The following PCDH15 variants were observed in gnomAD, a reference collection of about 807,000 sequenced individuals.
The protein encoded by PCDH15 is protocadherin related 15.
PCDH15 carries 129 observed loss-of-function variants against 178.5 expected under a neutral mutation model. The ratio of observed to expected loss-of-function variants is 0.72; its 90% CI spans 0.63 to 0.84. The LOEUF (loss-of-function observed/expected upper bound fraction) is 0.84, where lower values mean the gene tolerates loss of function less well. PCDH15 is among the 40% of genes least tolerant of loss of function. The probability of loss-of-function intolerance (pLI) is 0.00; values close to 1 mark genes in which losing one functional copy is unlikely to be tolerated. For synonymous variants in PCDH15, 800 were observed against 732.0 expected, an observed-to-expected ratio of 1.09 and a Z score of -1.50; for missense variants, 2,230 against 2,099.9, an observed-to-expected ratio of 1.06 and a Z score of -1.21.
At chr10:53,924,033 C>T (rs2084241921) in intron 25 of PCDH15, among the ~76,000 whole-genome samples, 1 of 152,208 alleles carries the variant, frequency 6.6e-6, no homozygotes, top group Non-Finnish European at 1.5e-5. Flanking sequence ...GCCCTCGCAG[C>T]CCTCGCTTGA....
chr10:54,437,304 A>C (rs2075487271), intron 3 of PCDH15, among the ~76,000 whole-genome samples: 1 of 152,204 alleles, frequency 6.6e-6, no homozygotes, highest in African/African-American at 2.4e-5. Context: ...CAAATCATTA[A>C]ACATCAAGTA....
intron 20 of PCDH15, among the ~76,000 whole-genome samples, chr10:54,004,150 G>C (rs2092293227): frequency 6.6e-6 from 1 of 150,624 alleles, no homozygotes; most frequent in Non-Finnish European, 1.5e-5. Context: ...CATAATAAAA[G>C]TGATATATGA....
chr10:55,348,166 T>C (rs964988586), intron 2 of PCDH15, among the ~76,000 whole-genome samples: 3 of 152,178 alleles, frequency 2.0e-5, no homozygotes, highest in Admixed American at 1.3e-4. Context: ...TCCAATATTA[T>C]AGACATTTAG....
intron 1 of PCDH15, among the ~76,000 whole-genome samples, chr10:55,233,144 T>G (rs532708502): frequency 1.8e-4 from 28 of 152,232 alleles, no homozygotes; most frequent in Non-Finnish European, 3.4e-4. Flanking sequence ...GTATCTATAC[T>G]ACTTCTATAT....
intron 3 of PCDH15, among the ~76,000 whole-genome samples, chr10:54,858,420 A>T (rs1313462412): frequency 7.9e-5 from 12 of 152,146 alleles, no homozygotes; most frequent in African/African-American, 2.9e-4. Flanking sequence ...TTTTAAATCC[A>T]TTATCTGTCC....
At chr10:54,190,242 A>C (rs1474959524) in intron 11 of PCDH15, among the ~76,000 whole-genome samples, 8 of 151,960 alleles carry the variant, frequency 5.3e-5, no homozygotes, top group Admixed American at 5.2e-4. Flanking sequence ...GCTTGAAGCA[A>C]CTCTTGAGAG....
At chr10:54,903,643 T>G (rs532317166) in intron 2 of PCDH15, among the ~76,000 whole-genome samples, 29 of 152,226 alleles carry the variant, frequency 1.9e-4, no homozygotes, top group East Asian at 3.9e-4. Context: ...AATCCAGTAT[T>G]AGAAACAATC....
chr10:55,442,757 T>C (rs1220458225), intron 2 of PCDH15, among the ~76,000 whole-genome samples: 1 of 151,872 alleles, frequency 6.6e-6, no homozygotes, highest in Admixed American at 6.6e-5. Context: ...ATGCTCATTG[T>C]TCTATTCTTT....
chr10:55,224,653 T>C (rs1024990723), intron 1 of PCDH15, among the ~76,000 whole-genome samples: 3 of 152,090 alleles, frequency 2.0e-5, no homozygotes, highest in Non-Finnish European at 2.9e-5. Flanking sequence ...CCACCTTCCA[T>C]GAAGTAGGGG....
chr10:54,425,883 A>G (rs563527298), intron 3 of PCDH15, among the ~76,000 whole-genome samples: 27 of 152,320 alleles, frequency 1.8e-4, no homozygotes, highest in Non-Finnish European at 3.5e-4. Flanking sequence ...TTAATTATAG[A>G]CATTTCAACT....
At chr10:55,519,301 C>A (rs202055202) in intron 2 of PCDH15, among the ~76,000 whole-genome samples, 38 of 101,804 alleles carry the variant, frequency 3.7e-4, no homozygotes, top group South Asian at 2.3e-3. Flanking sequence ...AAAAAAAAAA[C>A]CCAATAGATT....
intron 8 of PCDH15, among the ~76,000 whole-genome samples, chr10:54,313,985 T>C (rs1224230414): frequency 6.6e-6 from 1 of 152,136 alleles, no homozygotes; most frequent in African/African-American, 2.4e-5. Flanking sequence ...ACTCATTGAA[T>C]TGGATTATTG....
intron 35 of PCDH15, among the ~76,000 whole-genome samples, chr10:53,812,049 C>T (rs2075885240): frequency 6.6e-6 from 1 of 151,892 alleles, no homozygotes; most frequent in Admixed American, 6.6e-5. Context: ...TTTTTCATCT[C>T]CCCACTAACA....
chr10:54,331,610 T>C (rs981474043), intron 6 of PCDH15, among the ~76,000 whole-genome samples: 3 of 152,030 alleles, frequency 2.0e-5, no homozygotes, highest in Admixed American at 6.6e-5. Context: ...AAAACCTTAG[T>C]TAATAATTGC....
intron 1 of PCDH15, among the ~76,000 whole-genome samples, chr10:55,285,279 G>A (rs761026848): frequency 6.7e-6 from 1 of 149,870 alleles, no homozygotes; most frequent in South Asian, 2.1e-4. Flanking sequence ...ACATAAAATC[G>A]ATTTTTAAAA....
At chr10:55,173,310 T>C (rs1214452299) in intron 1 of PCDH15, among the ~76,000 whole-genome samples, 1 of 22,866 alleles carries the variant, frequency 4.4e-5, no homozygotes, top group Non-Finnish European at 1.2e-4. Context: ...AGAAAGATTA[T>C]GTGTGTGTGT....
At chr10:54,726,518 A>AAAC (rs1942559565) in intron 1 of PCDH15, among the ~76,000 whole-genome samples, 1 of 151,140 alleles carries the variant, frequency 6.6e-6, no homozygotes, top group African/African-American at 2.4e-5. Context: ...CAGGACCGAA[A>AAAC]ATGCTAGAGA....
chr10:54,723,676 C>T (rs1009631830), intron 1 of PCDH15, among the ~76,000 whole-genome samples: 1 of 151,258 alleles, frequency 6.6e-6, no homozygotes, highest in African/African-American at 2.4e-5. Context: ...CCAGAATCTA[C>T]AAGAAACTCG....
intron 6 of PCDH15, among the ~76,000 whole-genome samples, chr10:54,345,648 G>C (rs373656297): frequency 6.6e-6 from 1 of 151,130 alleles, no homozygotes; most frequent in Non-Finnish European, 1.5e-5. Flanking sequence ...TTGGGAGGCC[G>C]AGGCAGGCGG....
Sources: allele counts gnomAD v4.1 joint callset (sites outside exome capture counted in the v4.1 genomes callset), GRCh38; gene constraint gnomAD v4.1.1; transcripts MANE v1.5; gene names NCBI Gene and HGNC (gene_info 2026-07-23, HGNC 2026-07-21).